ATP10B: variants seen among roughly 807,000 people sequenced by gnomAD.
ATP10B encodes the protein phospholipid-transporting ATPase VB.
A neutral mutation model predicts 141.2 loss-of-function variants in ATP10B; 122 were observed. The ratio of observed to expected loss-of-function variants is 0.86; its 90% CI spans 0.75 to 1.00. The LOEUF is 1.00. Among genes scored for constraint, ATP10B ranks in the 50% least tolerant of loss-of-function variants. The pLI, the probability that ATP10B is intolerant of heterozygous loss-of-function variation, is 0.00. For synonymous variants in ATP10B, 685 were observed against 692.0 expected (o/e 0.99, Z 0.16); for missense variants, 1,876 against 1,825.3 (o/e 1.03, Z -0.51).
the ATP10B span, among the ~76,000 whole-genome samples, chr5:160,910,916 G>A: frequency 6.6e-6 from 1 of 152,224 alleles, no homozygotes; most frequent in South Asian, 2.1e-4. Flanking sequence ...CATGAAGGTT[G>A]GTGCCTTTTT....
chr5:160,785,371 G>T (rs1404897737), intron 2 of ATP10B, among the ~76,000 whole-genome samples, 188 bp downstream of exon 2: 1 of 152,114 alleles, frequency 6.6e-6, no homozygotes, highest in Non-Finnish European at 1.5e-5. Context: ...TGACATACCA[G>T]ATCAGCTGAC....
chr5:160,801,524 G>C (rs1334526082), intron 1 of ATP10B, among the ~76,000 whole-genome samples: 1 of 152,186 alleles, frequency 6.6e-6, no homozygotes, highest in African/African-American at 2.4e-5. Context: ...CAAACTCCAT[G>C]AGGGAATGGA....
In ATP10B at chr5:160,810,309, T is replaced by A. The variant is rs181312843; in HGVS notation, c.-575-24506A>T. Among the ~76,000 whole-genome samples, 8 of 152,282 alleles carry A rather than the reference T, an allele frequency of 5.3e-5. No homozygotes were observed. The East Asian group carries it at 1.5e-3, about 29-fold the overall frequency. ...TTTGATATGTAGCATTTTCATTTTTTGTGCTAAATATTTTCAGTTTCTATT... is the reference window on the plus strand; with the variant it reads ...TTTGATATGTAGCATTTTCATTTTTAGTGCTAAATATTTTCAGTTTCTATT... On this transcript the variant is annotated intron_variant, in intron 1 of 25. Coordinates refer to ENST00000327245, the MANE Select transcript of ATP10B (RefSeq NM_025153.3).
At chr5:160,686,347 C>G in intron 5 of ATP10B, 74 bp from the exon 6 acceptor site, 1 of 1,185,736 alleles carries the variant, frequency 8.4e-7, no homozygotes, top group Non-Finnish European at 1.1e-6. Flanking sequence ...TTCTTCCCTA[C>G]TGTTTGGCCT....
intron 17 of ATP10B, among the ~76,000 whole-genome samples, chr5:160,613,209 T>A (rs909282255): frequency 6.6e-6 from 1 of 152,196 alleles, no homozygotes; most frequent in African/African-American, 2.4e-5. Context: ...AGGGTGGGCT[T>A]ATGCTGAGGA....
chr5:160,745,804 G>T (rs1191723678), intron 2 of ATP10B, among the ~76,000 whole-genome samples: 1 of 152,206 alleles, frequency 6.6e-6, no homozygotes, highest in East Asian at 1.9e-4. Flanking sequence ...GCAAAGCTTG[G>T]TCTGGAACCC....
intron 3 of ATP10B, among the ~76,000 whole-genome samples, chr5:160,699,948 AC>A (rs1764584645): frequency 6.6e-6 from 1 of 152,178 alleles, no homozygotes; most frequent in Non-Finnish European, 1.5e-5. Flanking sequence ...TGTTAGTGAA[AC>A]TTCACAAAAT....
intron 8 of ATP10B, among the ~76,000 whole-genome samples, chr5:160,648,549 G>T (rs1011973491): frequency 1.3e-5 from 2 of 152,158 alleles, no homozygotes; most frequent in Non-Finnish European, 2.9e-5. Context: ...TGCTTAGGCT[G>T]AACCAAAGTT....
chr5:160,688,232 G>T, intron 4 of ATP10B, 138 bp from the exon 5 acceptor site: 1 of 851,398 alleles, frequency 1.2e-6, no homozygotes, highest in Non-Finnish European at 1.8e-6. Context: ...TGTAACTAAA[G>T]GTCACTAGAT....
intron 3 of ATP10B, among the ~76,000 whole-genome samples, chr5:160,694,909 CTTAA>C (rs1346028801): frequency 1.6e-4 from 25 of 152,142 alleles, no homozygotes; most frequent in Non-Finnish European, 1.3e-4. Context: ...GTTTAAAGAT[CTTAA>C]TTAACTTTAT....
intron 2 of ATP10B, among the ~76,000 whole-genome samples, chr5:160,732,651 G>T (rs1054105649): frequency 6.6e-6 from 1 of 152,040 alleles, no homozygotes; most frequent in African/African-American, 2.4e-5. Context: ...TGTTCCATTG[G>T]TCTATGTGGC....
intron 2 of ATP10B, among the ~76,000 whole-genome samples, chr5:160,768,579 A>G (rs1405639522): frequency 6.6e-6 from 1 of 152,172 alleles, no homozygotes; most frequent in East Asian, 1.9e-4. Flanking sequence ...ATTTGCCACT[A>G]TGTTATAAGT....
At position 160,848,389 on chromosome 5, in the gene ATP10B, C is replaced by A. The variant is rs911518159; in HGVS notation, c.-576+3552G>T. ...TGATAGATGAGAAAATTGAGGCTTA[C>A]AAAAGTAGCACAGCTAAGAAAATAG... On this transcript the variant is annotated intron_variant, in intron 1 of 25. Coordinates refer to ENST00000327245, the MANE Select transcript of ATP10B (RefSeq NM_025153.3). Among the ~76,000 whole-genome samples, 4 of 152,224 alleles carry A rather than the reference C, an allele frequency of 2.6e-5. No individual in the cohort carries two copies. In the East Asian group the frequency reaches 7.7e-4, roughly 29 times the overall value.
At chr5:160,921,230 A>G in the ATP10B span, among the ~76,000 whole-genome samples, 5 of 151,836 alleles carry the variant, frequency 3.3e-5, no homozygotes, top group African/African-American at 1.2e-4. Context: ...ATGTGTATAT[A>G]ACCTTTAAAA....
the ATP10B span, among the ~76,000 whole-genome samples, chr5:160,870,683 A>G: frequency 1.3e-5 from 2 of 152,092 alleles, no homozygotes; most frequent in African/African-American, 4.8e-5. Context: ...AATTTCCCCA[A>G]ATTAATGTCA....
At chr5:160,856,931 C>T (rs1055248119), upstream of ATP10B, among the ~76,000 whole-genome samples, 8 of 151,658 alleles carry the variant, frequency 5.3e-5, no homozygotes, top group African/African-American at 1.2e-4. Flanking sequence ...ATTTGGCCAT[C>T]ATGTATAATT....
At chr5:160,704,817 C>T (rs1443316505) in intron 3 of ATP10B, among the ~76,000 whole-genome samples, 5 of 151,696 alleles carry the variant, frequency 3.3e-5, no homozygotes, top group South Asian at 2.1e-4. Context: ...GCACTTGCTG[C>T]GTCACCTTGC....
chr5:160,812,046 GAGAGAGAGAGAGAGGGAGAGGGA>G (rs1773207074), intron 1 of ATP10B, among the ~76,000 whole-genome samples: 1 of 151,820 alleles, frequency 6.6e-6, no homozygotes. Context: ...GAGAGAGAGA[GAGAGAGAGAGAGAGGGAGAGGGA>G]GAGAGATTCC....
At chr5:160,777,861 T>A (rs1770445675) in intron 2 of ATP10B, among the ~76,000 whole-genome samples, 1 of 152,238 alleles carries the variant, frequency 6.6e-6, no homozygotes, top group Admixed American at 6.5e-5. Flanking sequence ...TATACAATAT[T>A]ATGTGGCCAT....
Sources: gnomAD v4.1 joint callset for allele counts (sites outside exome capture counted in the v4.1 genomes callset) on GRCh38, gnomAD v4.1.1 for gene constraint, MANE v1.5 for transcripts, NCBI Gene and HGNC (gene_info 2026-07-23, HGNC 2026-07-21) for gene names.